MAPK8IP3: variants seen among roughly 807,000 people sequenced by gnomAD.
MAPK8IP3 encodes the protein C-Jun-amino-terminal kinase-interacting protein 3.
Under a neutral mutation model 157.8 loss-of-function variants are expected in MAPK8IP3, and 49 were observed. The observed-to-expected ratio is 0.31, with a 90% CI of 0.25 to 0.39. The LOEUF is 0.39. Among genes scored for constraint, MAPK8IP3 ranks in the 10% least tolerant of loss-of-function variants. The pLI is 1.00. For missense variants in MAPK8IP3, 1,478 were observed against 1,889.4 expected (o/e 0.78, Z 4.04); for synonymous variants, 897 against 777.7 (o/e 1.15, Z -2.55).
Position 1,763,705 on chromosome 16 carries a change from C to T in MAPK8IP3, c.1947C>T (p.Arg649=), listed in dbSNP as rs2042084499. Residue 649 remains arginine (R), a synonymous_variant, in exon 17 of 32, where the codon CGC becomes CGT. Coordinates refer to ENST00000610761, the MANE Select transcript of MAPK8IP3 (RefSeq NM_001318852.2). ...ARREQKREQY[R]QVREHVRNDD... ...GAGAGCAGAAGCGCGAGCAGTACCG[C>T]CAGGTGCGTGAGCACGTGCGTAACG... 3 of 1,597,218 alleles carry T rather than the reference C, an allele frequency of 1.9e-6. No individual in the cohort carries two copies. The highest frequency in any genetic ancestry group is 2.6e-6 in the Non-Finnish European group (3 of 1,171,270).
chr16:1,716,010 A>G (rs1049065715), intron 1 of MAPK8IP3, among the ~76,000 whole-genome samples: 2 of 151,974 alleles, frequency 1.3e-5, no homozygotes, highest in Non-Finnish European at 2.9e-5. Flanking sequence ...TTCAGGCGGG[A>G]GCCACTGCAC....
At position 1,762,656 on chromosome 16, in the gene MAPK8IP3, C is replaced by A. The variant is rs769642604; in HGVS notation, c.1671-19C>A. 1 of 1,542,370 alleles carries A rather than the reference C, an allele frequency of 6.5e-7. No individual in the cohort carries two copies. The highest frequency in any genetic ancestry group is 1.2e-5 in the South Asian group (1 of 80,034). On this transcript the variant is annotated intron_variant, in intron 14 of 31. Transcript: ENST00000610761. ...GCGTGAGGGCACTAGCAGGTTGCTC[C>A]CTGTGCCCTCCCCTGCAGAGCGTCC...
chr16:1,729,110 C>T (rs1038324342), intron 2 of MAPK8IP3, 28 bp from the exon 3 acceptor site: 6 of 1,605,834 alleles, frequency 3.7e-6, no homozygotes, highest in African/African-American at 2.7e-5. Context: ...GCGTCTTGTG[C>T]GGCTCAGACA....
At chr16:1,747,298 C>G (rs1206912803) in intron 6 of MAPK8IP3, 23 bp downstream of exon 6, 1 of 1,606,622 alleles carries the variant, frequency 6.2e-7, no homozygotes, top group Non-Finnish European at 8.5e-7. Flanking sequence ...CTCCGGGACT[C>G]TGGGCTCCCT....
intron 1 of MAPK8IP3, among the ~76,000 whole-genome samples, chr16:1,719,668 C>CA (rs58680997): frequency 0.033 from 1,694 of 51,008 alleles, 47 homozygotes; most frequent in Middle Eastern, 0.065. Flanking sequence ...CCCATCTCTA[C>CA]AAAAAAAAAA....
chr16:1,719,749 G>A (rs1394017444), intron 1 of MAPK8IP3, among the ~76,000 whole-genome samples: 1 of 151,516 alleles, frequency 6.6e-6, no homozygotes, highest in Non-Finnish European at 1.5e-5. Context: ...AGGAGACTGA[G>A]ATGGGAGGAT....
intron 14 of MAPK8IP3, 42 bp from the exon 15 acceptor site, chr16:1,762,633 G>A (rs758531662): frequency 1.1e-5 from 17 of 1,542,938 alleles, no homozygotes; most frequent in South Asian, 3.7e-5. Flanking sequence ...TAAGGGAGGC[G>A]TGAGGGCACT....
chr16:1,724,182 C>T lies in MAPK8IP3; in HGVS notation c.319-375C>T, dbSNP rs1414780982. On this transcript the variant is annotated intron_variant, in intron 1 of 31. Coordinates refer to ENST00000610761, the MANE Select transcript of MAPK8IP3 (RefSeq NM_001318852.2). This position sits in a 1 kb window ranked among gnomAD's most constrained non-coding sequence, Gnocchi z 4.1. ...AATTAGCAACATTTCAAGATGGCAG[C>T]AGCCAAGCCAAGCATTGGGCCTTCT... Among the ~76,000 whole-genome samples, 1 of 152,246 alleles carries T rather than the reference C, an allele frequency of 6.6e-6. No homozygotes were observed. Among genetic ancestry groups the T allele is most frequent in the Non-Finnish European group, 1.5e-5 (1 of 68,050 alleles).
At chr16:1,752,467 G>T in intron 8 of MAPK8IP3, 2 of 360,304 alleles carry the variant, frequency 5.6e-6, no homozygotes, top group Non-Finnish European at 1.1e-5. Context: ...GGGAGGCCAG[G>T]CACAGTCACT....
At chr16:1,765,718 C>A (rs71385715) in intron 20 of MAPK8IP3, among the ~76,000 whole-genome samples, 2,728 of 152,292 alleles carry the variant, frequency 0.018, 27 homozygotes, top group Middle Eastern at 0.034. Context: ...CTCCCAGAAC[C>A]AGAGTCTTAC....
intron 2 of MAPK8IP3, among the ~76,000 whole-genome samples, chr16:1,727,975 C>T (rs1326349293): frequency 1.3e-5 from 2 of 152,242 alleles, no homozygotes; most frequent in Non-Finnish European, 2.9e-5. Flanking sequence ...TGGTGGAGCA[C>T]CTTACCAGCT....
At chr16:1,762,214 C>G (rs2041993984) in intron 13 of MAPK8IP3, 137 bp from the exon 14 acceptor site, 3 of 1,223,596 alleles carry the variant, frequency 2.5e-6, no homozygotes, top group Non-Finnish European at 3.3e-6. Flanking sequence ...GCCGACACCC[C>G]TCCACACCGC....
chr16:1,710,088 C>A lies in MAPK8IP3; in HGVS notation c.318+3431C>A, dbSNP rs193246426. On this transcript the variant is annotated intron_variant, in intron 1 of 31. Transcript: ENST00000610761. The surrounding 1 kb of genome is among the most constrained non-coding windows in gnomAD (Gnocchi z 4.1). ...AATAAAAGTTACCGGCCAGGCGCAG[C>A]GACTCTCACATGTGTAATCCCAGCA... Among the ~76,000 whole-genome samples the A allele has an allele frequency of 6.6e-6, 1 of 152,122 alleles. No homozygotes were observed. Among genetic ancestry groups the A allele is most frequent in the Admixed American group, 6.6e-5 (1 of 15,262 alleles).
rs577742104 is a variant in MAPK8IP3 at position 1,768,819 on chromosome 16, G to A, written c.4009G>A (p.Glu1337Lys). The A allele has an allele frequency of 2.2e-5, 35 of 1,612,132 alleles. No homozygotes were observed. The highest frequency in any genetic ancestry group is 1.7e-4 in the Middle Eastern group (1 of 6,002). The change falls in exon 32 of 32, where the codon GAG becomes AAG. Residue 1337 changes from glutamate (E) to lysine (K), a missense_variant. Glu to Lys is a moderately conservative substitution (Grantham distance 56). Transcript: ENST00000610761. Reference sequence around the variant, plus strand: ...CGTGTGGCAGGTGTCCTACACCCCCGAGTGAAGCTGCTGCCCTGCCTGGCC... The same window carrying A: ...CGTGTGGCAGGTGTCCTACACCCCCAAGTGAAGCTGCTGCCCTGCCTGGCC... ...IIVWQVSYTPE is the reference protein window; with the variant it reads ...IIVWQVSYTPK
intron 12 of MAPK8IP3, 118 bp downstream of exon 12, chr16:1,760,650 C>CCTCCAG: frequency 1.6e-6 from 2 of 1,276,748 alleles, no homozygotes; most frequent in Non-Finnish European, 2.1e-6. Flanking sequence ...AGCCTACCTA[C>CCTCCAG]CTCCAGCTCC....
chr16:1,759,624 T>C (rs1205330497), intron 10 of MAPK8IP3, among the ~76,000 whole-genome samples: 7 of 152,164 alleles, frequency 4.6e-5, no homozygotes, highest in African/African-American at 9.6e-5. Context: ...ATCACTCGCC[T>C]AGGGTGGTGG....
At chr16:1,711,250 G>A (rs1170479384) in intron 1 of MAPK8IP3, among the ~76,000 whole-genome samples, 1 of 152,230 alleles carries the variant, frequency 6.6e-6, no homozygotes, top group Non-Finnish European at 1.5e-5. Flanking sequence ...GCTGTGTAAG[G>A]GGCTCAGGGG....
chr16:1,752,971 A>T (rs936913385), intron 8 of MAPK8IP3, among the ~76,000 whole-genome samples: 3 of 152,170 alleles, frequency 2.0e-5, no homozygotes, highest in African/African-American at 7.2e-5. Context: ...ACTCCTGAAG[A>T]CAGCAGGAAA....
rs747795881 is a variant in MAPK8IP3, at chr16:1,768,524, G to A, written c.3790G>A (p.Glu1264Lys). The A allele has an allele frequency of 1.9e-6, 3 of 1,558,624 alleles. No individual in the cohort carries two copies. The highest frequency in any genetic ancestry group is 1.9e-5 in the Admixed American group (1 of 51,778). The change falls in exon 31 of 32, where the codon GAG becomes AAG. Residue 1264 changes from glutamate to lysine, a missense_variant. Physicochemically the swap from Glu to Lys is moderately conservative, Grantham distance 56 (BLOSUM62 1). Coordinates refer to ENST00000610761, the MANE Select transcript of MAPK8IP3 (RefSeq NM_001318852.2). ...LNGSVLDSPA[E>K]GPGPAAPASE... The stretch of plus-strand genomic sequence containing the variant: ...TGGGAGTGTGCTGGACAGCCCAGCC[G>A]AGGGCCCTGGGCCAGCTGCCCCTGC...
Sources: gnomAD v4.1 joint callset for allele counts (sites outside exome capture counted in the v4.1 genomes callset) on GRCh38, gnomAD v4.1.1 for gene constraint, Gnocchi (gnomAD v3.1) non-coding constraint, MANE v1.5 for transcripts, NCBI Gene and HGNC (gene_info 2026-07-23, HGNC 2026-07-21) for gene names.